KIFC3: variants seen among roughly 807,000 people sequenced by gnomAD.
KIFC3 encodes kinesin family member C3.
A neutral mutation model predicts 101.8 loss-of-function variants in KIFC3; 60 were observed. The observed-to-expected ratio is 0.59, with a 90% CI of 0.48 to 0.73. The LOEUF (loss-of-function observed/expected upper bound fraction) is 0.73. KIFC3 is among the 30% of genes least tolerant of loss of function. The pLI, the probability that KIFC3 is intolerant of heterozygous loss-of-function variation, is 0.00. For missense variants in KIFC3, 966 were observed against 1,137.1 expected, an observed-to-expected ratio of 0.85 and a Z score of 2.16; for synonymous variants, 476 against 482.7, an observed-to-expected ratio of 0.99 and a Z score of 0.18.
At position 57,764,267 on chromosome 16, in the gene KIFC3, G is replaced by A. The variant is rs369054055; in HGVS notation, c.1513-20C>T. On this transcript the variant is annotated intron_variant, in intron 11 of 19. Transcript: ENST00000445690. ...GAACACCTGGGAGGGTGGTGGGAGG[G>A]AGGCTGGTGGGGGGGCTTCCAGGGC... is the stretch of plus-strand genomic sequence containing the variant. 3.2e-5 allele frequency: 34 copies of A among 1,073,350 alleles called. No individual in the cohort carries two copies. The highest frequency in any genetic ancestry group is 4.4e-5 in the Non-Finnish European group (32 of 724,700). 66.5% of individuals were successfully genotyped at this position (1,073,350 alleles called of 1,614,324 possible). A position where few individuals can be genotyped will look rare whatever the true frequency, so the allele number is the denominator to read the frequency against.
chr16:57,759,863 G>A (rs1555594255), intron 17 of KIFC3, 27 bp from the exon 18 acceptor site: 22 of 1,553,964 alleles, frequency 1.4e-5, no homozygotes, highest in Middle Eastern at 1.8e-4. Context: ...GCGGATGGGC[G>A]GGGGCCACGG....
chr16:57,853,852 C>T lies in KIFC3; in HGVS notation c.108+8877G>A, dbSNP rs111467557. ...TTCACCCTGTTGTCCAGGCTGGTCT[C>T]GAACTCCTGACCTGAAGTGATCCAC... is the stretch of plus-strand genomic sequence containing the variant. On this transcript the variant is annotated intron_variant, in intron 1 of 2. Coordinates refer to the KIFC3 transcript ENST00000563028. Among the ~76,000 whole-genome samples the T allele has an allele frequency of 9.8e-3, 1,486 of 152,238 alleles. 22 individuals are homozygous for T. Among genetic ancestry groups the T allele is most frequent in the African/African-American group, 0.033 (1,376 of 41,526 alleles).
At chr16:57,774,669 C>G (rs1555610787) in intron 3 of KIFC3, 1 of 320,212 alleles carries the variant, frequency 3.1e-6, no homozygotes, top group African/African-American at 2.2e-5. Flanking sequence ...ACTACAAGCA[C>G]ATACCATCAC....
intron 1 of KIFC3, among the ~76,000 whole-genome samples, chr16:57,836,121 G>C (rs1245066666): frequency 6.6e-6 from 1 of 152,142 alleles, no homozygotes; most frequent in Admixed American, 6.5e-5. Context: ...AATTTTCTCT[G>C]TTTTGCTTGT....
At chr16:57,795,457 T>C (rs2149198255) in intron 2 of KIFC3, among the ~76,000 whole-genome samples, 1 of 152,246 alleles carries the variant, frequency 6.6e-6, no homozygotes, top group East Asian at 1.9e-4. Context: ...AGCAGGGAAG[T>C]GGAAGGAAGC....
chr16:57,850,723 G>A (rs887563655), intron 1 of KIFC3, among the ~76,000 whole-genome samples: 15 of 151,932 alleles, frequency 9.9e-5, no homozygotes, highest in African/African-American at 3.4e-4. Context: ...TGACCCACCC[G>A]CCTCGGCCTC....
At chr16:57,760,523 T>C (rs902197481) in intron 16 of KIFC3, 107 bp from the exon 17 acceptor site, 2 of 1,365,764 alleles carry the variant, frequency 1.5e-6, no homozygotes, top group African/African-American at 1.4e-5. Context: ...TGGAGAGGCC[T>C]GAGGGATGGG....
intron 3 of KIFC3, among the ~76,000 whole-genome samples, chr16:57,786,638 G>A (rs1355544719): frequency 2.0e-5 from 3 of 152,150 alleles, no homozygotes; most frequent in South Asian, 2.1e-4. Context: ...GCCAGAGAGC[G>A]CTGCCCTCCA....
intron 3 of KIFC3, chr16:57,775,219 A>T: frequency 7.6e-7 from 1 of 1,321,310 alleles, no homozygotes; most frequent in Admixed American, 3.8e-5. Flanking sequence ...CAGGCTGGGG[A>T]GCATGGGGGA....
intron 3 of KIFC3, among the ~76,000 whole-genome samples, chr16:57,779,129 A>G (rs1383663891): frequency 6.6e-6 from 1 of 152,224 alleles, no homozygotes; most frequent in Non-Finnish European, 1.5e-5. Context: ...ATACTTGTAC[A>G]CTCATGTTTA....
At chr16:57,766,824 A>G in intron 10 of KIFC3, 50 bp downstream of exon 10, 1 of 1,333,868 alleles carries the variant, frequency 7.5e-7, no homozygotes, top group South Asian at 1.2e-5. Flanking sequence ...CTGCCAAGCC[A>G]GGTCGAGGAC....
At chr16:57,834,227 G>A (rs181853087) in intron 1 of KIFC3, among the ~76,000 whole-genome samples, 41 of 152,198 alleles carry the variant, frequency 2.7e-4, no homozygotes, top group African/African-American at 9.9e-4. Context: ...TAAATTATTT[G>A]ATGAAAAATT....
chr16:57,764,046 G>T, intron 12 of KIFC3, 97 bp downstream of exon 12: 1 of 868,718 alleles, frequency 1.2e-6, no homozygotes. Flanking sequence ...ACCAAATGAG[G>T]CAAAACACAC....
At position 57,837,755 on chromosome 16, in the gene KIFC3, C is replaced by T. The variant is rs1596836324; in HGVS notation, c.108+24974G>A. On this transcript the variant is annotated intron_variant, in intron 1 of 2. Transcript: ENST00000563028. ...CATAATTGAAGGGGTTGGTACTGCTCCTAGACAAGGCCTTGGGAATCGGGA... is the reference window on the plus strand; with the variant it reads ...CATAATTGAAGGGGTTGGTACTGCTTCTAGACAAGGCCTTGGGAATCGGGA... Among the ~76,000 whole-genome samples the T allele has an allele frequency of 5.3e-5, 8 of 152,198 alleles. 1 individual carries two copies. Among genetic ancestry groups the T allele is most frequent in the African/African-American group, 1.4e-4 (6 of 41,508 alleles).
intron 1 of KIFC3, among the ~76,000 whole-genome samples, chr16:57,828,404 T>C (rs57579408): frequency 0.035 from 5,392 of 152,288 alleles, 316 homozygotes; most frequent in African/African-American, 0.12. Context: ...CATGGAGGCC[T>C]GTGTGCAGAT....
At chr16:57,845,669 A>G (rs1400734588) in intron 1 of KIFC3, among the ~76,000 whole-genome samples, 2 of 152,030 alleles carry the variant, frequency 1.3e-5, no homozygotes, top group Admixed American at 6.5e-5. Context: ...TCCTTAGTTA[A>G]AATCACAACT....
intron 1 of KIFC3, chr16:57,817,084 C>T (rs1346021433): frequency 4.0e-5 from 11 of 277,934 alleles, no homozygotes; most frequent in African/African-American, 2.0e-4. Context: ...CTCGGCCAGG[C>T]GTGGTGGCTC....
At chr16:57,849,929 G>T (rs2056013878) in intron 1 of KIFC3, among the ~76,000 whole-genome samples, 2 of 151,620 alleles carry the variant, frequency 1.3e-5, no homozygotes. Context: ...TAGTTAATGG[G>T]CCGGGTGCAG....
chr16:57,825,714 G>C (rs2055444922), intron 1 of KIFC3, among the ~76,000 whole-genome samples: 1 of 152,166 alleles, frequency 6.6e-6, no homozygotes, highest in Admixed American at 6.5e-5. Context: ...GTCTCACTCT[G>C]TCGCCCAGGC....
Sources: gnomAD v4.1 joint callset for allele counts (sites outside exome capture counted in the v4.1 genomes callset) on GRCh38, gnomAD v4.1.1 for gene constraint, MANE v1.5 for transcripts, NCBI Gene and HGNC (gene_info 2026-07-23, HGNC 2026-07-21) for gene names.